The following INPP5D variants were observed in gnomAD, a reference collection of about 807,000 sequenced individuals.
The protein encoded by INPP5D is phosphatidylinositol 3,4,5-trisphosphate 5-phosphatase 1.
INPP5D carries 33 observed loss-of-function variants against 122.9 expected under a neutral mutation model. That is an observed-to-expected ratio of 0.27 (90% CI 0.20 to 0.36). INPP5D has a LOEUF of 0.36. Ranked by LOEUF, INPP5D falls within the 10% of genes least tolerant of loss-of-function variation. INPP5D has a pLI of 1.00. For missense variants in INPP5D, 1,053 were observed against 1,412.7 expected, an observed-to-expected ratio of 0.75 and a Z score of 4.08; for synonymous variants, 584 against 576.2, an observed-to-expected ratio of 1.01 and a Z score of -0.19.
intron 1 of INPP5D, among the ~76,000 whole-genome samples, chr2:233,073,839 G>C (rs945683487): frequency 2.0e-5 from 3 of 151,890 alleles, no homozygotes; most frequent in Admixed American, 6.6e-5. Flanking sequence ...TCCTGCCTCT[G>C]TCGTGTGTTA....
intron 1 of INPP5D, among the ~76,000 whole-genome samples, chr2:233,066,990 C>T (rs1453221406): frequency 1.3e-5 from 2 of 152,288 alleles, no homozygotes; most frequent in East Asian, 3.9e-4. Flanking sequence ...GTTGGCTAGG[C>T]TGGTCCCGAA....
chr2:233,108,985 C>T (rs1692536613), intron 2 of INPP5D, among the ~76,000 whole-genome samples: 1 of 152,226 alleles, frequency 6.6e-6, no homozygotes, highest in Non-Finnish European at 1.5e-5. Flanking sequence ...AGAGTGCACA[C>T]CATCAGTCTC....
chr2:233,146,113 G>T (rs1693752309), intron 6 of INPP5D, 49 bp from the exon 7 acceptor site: 1 of 704,136 alleles, frequency 1.4e-6, no homozygotes, highest in South Asian at 1.5e-5. Flanking sequence ...GCCTCTCGAT[G>T]GTTCAGGTTC....
intron 1 of INPP5D, among the ~76,000 whole-genome samples, chr2:233,065,707 C>A (rs536616132): frequency 3.3e-5 from 5 of 150,496 alleles, no homozygotes; most frequent in Non-Finnish European, 7.4e-5. Context: ...AGTGCCATAG[C>A]ATGATCTTGG....
rs1004097991 is a variant in INPP5D at position 233,082,271 on chromosome 2, G to A, written c.198+2873G>A. ...GTAAATGACAGCAGACGTCCACTGA[G>A]GACCAAGTGCACACTCATGCCCAAT... On this transcript the variant is annotated intron_variant, in intron 2 of 26. Transcript: ENST00000445964. This position sits in a 1 kb window ranked among gnomAD's most constrained non-coding sequence, Gnocchi z 4.7. Among the ~76,000 whole-genome samples, 1 of 152,208 alleles carries A rather than the reference G, an allele frequency of 6.6e-6. No individual in the cohort carries two copies. The highest frequency in any genetic ancestry group is 1.5e-5 in the Non-Finnish European group (1 of 68,040).
At chr2:233,087,482 A>T (rs575141151) in intron 2 of INPP5D, among the ~76,000 whole-genome samples, 1 of 152,106 alleles carries the variant, frequency 6.6e-6, no homozygotes, top group East Asian at 1.9e-4. Flanking sequence ...ACATGCCACC[A>T]CACCCAGCTA....
intron 1 of INPP5D, among the ~76,000 whole-genome samples, chr2:233,070,096 A>G (rs1431494646): frequency 6.6e-6 from 1 of 152,192 alleles, no homozygotes; most frequent in Non-Finnish European, 1.5e-5. Context: ...TGATAGAGTT[A>G]TTGACCCTCA....
intron 1 of INPP5D, among the ~76,000 whole-genome samples, chr2:233,064,545 A>G (rs1691158354): frequency 6.6e-6 from 1 of 152,228 alleles, no homozygotes; most frequent in African/African-American, 2.4e-5. Flanking sequence ...GACTCATTTG[A>G]TGTCCACGAA....
At chr2:233,086,543 C>A (rs772360467) in intron 2 of INPP5D, among the ~76,000 whole-genome samples, 1 of 152,058 alleles carries the variant, frequency 6.6e-6, no homozygotes, top group Non-Finnish European at 1.5e-5. Context: ...TCTGCTGCTG[C>A]CTTGTAACCA....
chr2:233,099,563 C>T (rs1177384514), intron 2 of INPP5D, among the ~76,000 whole-genome samples: 4 of 152,232 alleles, frequency 2.6e-5, no homozygotes, highest in Non-Finnish European at 5.9e-5. Context: ...CCATAAAATG[C>T]TTTATGGAAA....
chr2:233,168,591 C>T lies in INPP5D; in HGVS notation c.1556-714C>T, dbSNP rs530981485. The stretch of plus-strand genomic sequence containing the variant: ...CTGTGTTCCAGTAACGTGTTCTTTA[C>T]GAACACTGAAATTTGAATTTCGTAT... On this transcript the variant is annotated intron_variant, in intron 13 of 26. Coordinates refer to ENST00000445964, the MANE Select transcript of INPP5D (RefSeq NM_001017915.3). 6.6e-5 allele frequency among the ~76,000 whole-genome samples: 10 copies of T among 152,352 alleles called. No homozygotes were observed. In the East Asian group the frequency reaches 7.7e-4, roughly 12 times the overall value.
chr2:233,084,323 G>C (rs529129503), intron 2 of INPP5D, among the ~76,000 whole-genome samples: 89 of 152,348 alleles, frequency 5.8e-4, no homozygotes, highest in African/African-American at 2.0e-3. Context: ...CCAAAGTGTT[G>C]GGATTACAGG....
intron 25 of INPP5D, among the ~76,000 whole-genome samples, chr2:233,199,343 C>T (rs1402800773): frequency 7.1e-6 from 1 of 140,146 alleles, no homozygotes; most frequent in Non-Finnish European, 1.6e-5. Flanking sequence ...GCCAAGATTG[C>T]ACCACTGCAC....
chr2:233,123,824 G>A (rs991587634), intron 3 of INPP5D, among the ~76,000 whole-genome samples: 4 of 152,220 alleles, frequency 2.6e-5, no homozygotes, highest in Admixed American at 1.3e-4. Context: ...CAGGAACATG[G>A]ATGGAGCTGG....
intron 6 of INPP5D, among the ~76,000 whole-genome samples, chr2:233,143,390 G>A (rs1466441005): frequency 3.3e-5 from 5 of 152,296 alleles, no homozygotes; most frequent in East Asian, 1.9e-4. Context: ...GTGACTGCCC[G>A]GGGTGAAGGC....
At chr2:233,172,698 A>G (rs1026682066) in intron 17 of INPP5D, among the ~76,000 whole-genome samples, 5 of 152,190 alleles carry the variant, frequency 3.3e-5, no homozygotes, top group African/African-American at 1.2e-4. Context: ...CAACGGGGAT[A>G]TGTTCCGAGA....
chr2:233,164,123 C>A lies in INPP5D; in HGVS notation c.1438-184C>A, dbSNP rs1472551506. On this transcript the variant is annotated intron_variant, in intron 12 of 26. Transcript: ENST00000445964. This position sits in a 1 kb window ranked among gnomAD's most constrained non-coding sequence, Gnocchi z 4.3. ...CTATCTTCCCACCCTTGGTCAGCCCCGGTTCTCATCTTTAGGATGTTTTGT... is the reference window on the plus strand; with the variant it reads ...CTATCTTCCCACCCTTGGTCAGCCCAGGTTCTCATCTTTAGGATGTTTTGT... Among the ~76,000 whole-genome samples the A allele has an allele frequency of 6.6e-6, 1 of 152,130 alleles. No individual in the cohort carries two copies. Among genetic ancestry groups the A allele is most frequent in the Non-Finnish European group, 1.5e-5 (1 of 68,022 alleles).
chr2:233,113,029 C>T lies in INPP5D; in HGVS notation c.199-9078C>T, dbSNP rs547119849. On this transcript the variant is annotated intron_variant, in intron 2 of 26. Transcript: ENST00000445964. ...CCCATTCCAATCCAATGCCCCACAG[C>T]CATGGGACCTTTCTCCTTTCTGTGT... Among the ~76,000 whole-genome samples the T allele has an allele frequency of 4.6e-5, 7 of 152,290 alleles. No homozygotes were observed. The South Asian group carries it at 1.5e-3, about 32-fold the overall frequency.
At chr2:233,152,163 T>C (rs571173650) in intron 9 of INPP5D, among the ~76,000 whole-genome samples, 11 of 152,318 alleles carry the variant, frequency 7.2e-5, no homozygotes, top group Middle Eastern at 3.4e-3. Context: ...ACAGGGGTTG[T>C]TGTGAGAGTT....
Sources: allele counts gnomAD v4.1 joint callset (sites outside exome capture counted in the v4.1 genomes callset), GRCh38; gene constraint gnomAD v4.1.1; non-coding constraint Gnocchi (gnomAD v3.1); transcripts MANE v1.5; gene names NCBI Gene and HGNC (gene_info 2026-07-23, HGNC 2026-07-21).